Variants in NPLOC4 observed in about 807,000 individuals in gnomAD.
NPLOC4 encodes nuclear protein localization protein 4 homolog.
In NPLOC4, 18 loss-of-function variants were observed where a neutral mutation model predicts 80.6. That is an observed-to-expected ratio of 0.22 (90% confidence interval 0.15 to 0.33). The LOEUF is 0.33. Among genes scored for constraint, NPLOC4 ranks in the 10% least tolerant of loss-of-function variants. The pLI is 1.00. For synonymous variants in NPLOC4, 313 were observed against 301.5 expected (o/e 1.04, Z -0.39); for missense variants, 540 against 786.1 (o/e 0.69, Z 3.74).
intron 13 of NPLOC4, among the ~76,000 whole-genome samples, chr17:81,569,543 C>T (rs2034102699): frequency 6.6e-6 from 1 of 152,228 alleles, no homozygotes. Context: ...AAGAGAGATT[C>T]GTGTCATTGG....
chr17:81,620,840 T>C (rs959637625), intron 3 of NPLOC4, among the ~76,000 whole-genome samples: 1 of 152,016 alleles, frequency 6.6e-6, no homozygotes, highest in African/African-American at 2.4e-5. Context: ...GTGTTCCAGA[T>C]TTAAACTTTT....
In NPLOC4 at chr17:81,613,476, G is replaced by C; in HGVS notation, c.228C>G (p.Phe76Leu). The change falls in exon 4 of 17, where the codon TTC becomes TTG. Residue 76 changes from phenylalanine to leucine, a missense_variant. Around this residue, in one of 6 missense-constraint regions of NPLOC4, gnomAD observed 5 missense variants for 21.5 expected, o/e 0.23. Coordinates refer to ENST00000331134, the MANE Select transcript of NPLOC4 (RefSeq NM_017921.4). ...GCCCAGCAAGGCTCGAGGGAAACAGGAACAACAAATCGCCATGCCTGTTCA... is the reference window on the plus strand; with the variant it reads ...GCCCAGCAAGGCTCGAGGGAAACAGCAACAACAAATCGCCATGCCTGTTCA... ...LLKIKHGDLL[F>L]LFPSSLAGPS... is the part of the protein sequence containing the mutation. 1 of 1,613,664 alleles carries C rather than the reference G, an allele frequency of 6.2e-7. No homozygotes were observed. The highest frequency in any genetic ancestry group is 8.5e-7 in the Non-Finnish European group (1 of 1,179,770).
chr17:81,601,276 C>A (rs528074423), intron 8 of NPLOC4, among the ~76,000 whole-genome samples: 23 of 152,280 alleles, frequency 1.5e-4, no homozygotes, highest in Admixed American at 3.9e-4. Flanking sequence ...ATCTGGCAAA[C>A]CACAAAGAAG....
At chr17:81,600,699 G>A (rs951374962) in intron 8 of NPLOC4, among the ~76,000 whole-genome samples, 4 of 152,178 alleles carry the variant, frequency 2.6e-5, no homozygotes. Flanking sequence ...GGAGCACTCA[G>A]GACTAAGGCA....
intron 2 of NPLOC4, 99 bp from the exon 3 acceptor site, chr17:81,622,377 T>A: frequency 1.1e-6 from 1 of 901,752 alleles, no homozygotes; most frequent in Middle Eastern, 2.5e-4. Flanking sequence ...TTCACCAAAT[T>A]TGGAAAGTGC....
chr17:81,589,469 TG>T (rs2034677700), intron 11 of NPLOC4, among the ~76,000 whole-genome samples: 1 of 143,358 alleles, frequency 7.0e-6, no homozygotes, highest in Non-Finnish European at 1.5e-5. Flanking sequence ...ACCCGGGAGG[TG>T]GAGCTTGCAG....
At chr17:81,605,475 C>A (rs1457458647) in intron 7 of NPLOC4, among the ~76,000 whole-genome samples, 1 of 150,916 alleles carries the variant, frequency 6.6e-6, no homozygotes, top group Non-Finnish European at 1.5e-5. Context: ...CAGTGAAACC[C>A]TGTCTCTACT....
chr17:81,600,505 G>A, intron 8 of NPLOC4, 78 bp from the exon 9 acceptor site: 1 of 1,121,894 alleles, frequency 8.9e-7, no homozygotes, highest in Non-Finnish European at 1.3e-6. Context: ...TCCACTTCCA[G>A]CTCTAGGTCA....
rs934415943 is a variant in NPLOC4 at position 81,610,980 on chromosome 17, A to G, written c.387-722T>C. Among the ~76,000 whole-genome samples, 39 of 151,814 alleles carry G rather than the reference A, an allele frequency of 2.6e-4. 6 individuals are homozygous for G. Among genetic ancestry groups the G allele is most frequent in the African/African-American group, 9.4e-4 (39 of 41,390 alleles). On this transcript the variant is annotated intron_variant, in intron 4 of 16. Transcript: ENST00000331134. ...TCTCAAAAAAAAAAAAAAAAAAAAAAATGACACAAACCAAAGATAAAAGTG... is the reference window on the plus strand; with the variant it reads ...TCTCAAAAAAAAAAAAAAAAAAAAAGATGACACAAACCAAAGATAAAAGTG...
intron 6 of NPLOC4, 70 bp from the exon 7 acceptor site, chr17:81,606,884 C>T (rs1012565721): frequency 2.1e-6 from 3 of 1,451,280 alleles, no homozygotes; most frequent in African/African-American, 1.4e-5. Flanking sequence ...AAATGACATG[C>T]TAAGTATCTT....
chr17:81,627,964 TA>T (rs1439454561), intron 2 of NPLOC4, among the ~76,000 whole-genome samples: 1 of 148,676 alleles, frequency 6.7e-6, no homozygotes, highest in Non-Finnish European at 1.5e-5. Flanking sequence ...TGAATGAAAA[TA>T]TCCTTGGGAG....
intron 1 of NPLOC4, among the ~76,000 whole-genome samples, chr17:81,635,941 G>A (rs949796748): frequency 6.6e-6 from 1 of 151,080 alleles, no homozygotes. Flanking sequence ...ATTTGTCACT[G>A]ATATTTTTTA....
intron 8 of NPLOC4, among the ~76,000 whole-genome samples, chr17:81,601,550 G>A (rs1027061872): frequency 2.0e-5 from 3 of 152,110 alleles, no homozygotes; most frequent in African/African-American, 4.8e-5. Context: ...AGCCACCACG[G>A]CTGGCCTCAA....
chr17:81,629,450 A>G (rs2035878057), intron 2 of NPLOC4, among the ~76,000 whole-genome samples: 1 of 152,042 alleles, frequency 6.6e-6, no homozygotes, highest in Non-Finnish European at 1.5e-5. Context: ...GGTCTCCCGA[A>G]GTGCTGGGAT....
At chr17:81,571,878 T>C (rs1480449007) in intron 13 of NPLOC4, 139 bp downstream of exon 13, 6 of 465,696 alleles carry the variant, frequency 1.3e-5, no homozygotes, top group Non-Finnish European at 1.9e-5. Flanking sequence ...CCTGGGTGCC[T>C]GTTCTGGGGT....
intron 10 of NPLOC4, among the ~76,000 whole-genome samples, chr17:81,596,705 C>T (rs888386702): frequency 2.6e-5 from 4 of 152,206 alleles, no homozygotes; most frequent in African/African-American, 7.2e-5. Context: ...CTATGCAAAC[C>T]ACCCCGCCAT....
intron 4 of NPLOC4, among the ~76,000 whole-genome samples, chr17:81,610,616 C>T (rs970537067): frequency 6.6e-5 from 10 of 152,066 alleles, no homozygotes; most frequent in Non-Finnish European, 1.0e-4. Flanking sequence ...AAAACTGACC[C>T]GCACATCAAA....
Position 81,601,054 on chromosome 17 carries a change from G to A in NPLOC4, c.835-627C>T, listed in dbSNP as rs116294739. Among the ~76,000 whole-genome samples the A allele has an allele frequency of 3.5e-3, 527 of 152,264 alleles. 4 individuals are homozygous for A. The highest frequency in any genetic ancestry group is 0.012 in the African/African-American group (502 of 41,542). ...AGGGCAGTCGATGAGTTGTAGCTTC[G>A]ACTGGCTCCCATGCAACTGAAACCA... On this transcript the variant is annotated intron_variant, in intron 8 of 16. Transcript: ENST00000331134.
At position 81,608,140 on chromosome 17, in the gene NPLOC4, T is replaced by C. The variant is rs557163075; in HGVS notation, c.530+588A>G. Among the ~76,000 whole-genome samples the C allele has an allele frequency of 4.6e-5, 7 of 152,332 alleles. No homozygotes were observed. The East Asian group carries it at 1.3e-3, about 29-fold the overall frequency. On this transcript the variant is annotated intron_variant, in intron 6 of 16. Transcript: ENST00000331134. ...ACTACTGTGGTACCATGAGGATTAG[T>C]GGCTGCAGCCCCTGCTGTGGCTGAA...
Sources: gnomAD v4.1 joint callset for allele counts (sites outside exome capture counted in the v4.1 genomes callset) on GRCh38, gnomAD v4.1.1 for gene constraint, gnomAD v4.1.1 regional missense constraint, MANE v1.5 for transcripts, NCBI Gene and HGNC (gene_info 2026-07-23, HGNC 2026-07-21) for gene names.